The following IFRD1 variants were observed in gnomAD, a reference collection of about 807,000 sequenced individuals.
The protein encoded by IFRD1 is interferon-related developmental regulator 1.
IFRD1 carries 35 observed loss-of-function variants against 52.9 expected under a neutral mutation model. The ratio of observed to expected loss-of-function variants is 0.66; its 90% CI spans 0.51 to 0.88. The LOEUF (loss-of-function observed/expected upper bound fraction) is 0.88, where lower values mean the gene tolerates loss of function less well. Ranked by LOEUF, IFRD1 falls within the 40% of genes least tolerant of loss-of-function variation. The probability of loss-of-function intolerance (pLI) is 0.00; values close to 1 mark genes in which losing one functional copy is unlikely to be tolerated. For missense variants in IFRD1, 517 were observed against 550.8 expected (o/e 0.94, Z 0.61); for synonymous variants, 184 against 188.4 (o/e 0.98, Z 0.19).
At chr7:112,475,250 G>C (rs1309247509) in intron 11 of IFRD1, among the ~76,000 whole-genome samples, 180 bp from the exon 12 acceptor site, 1 of 152,178 alleles carries the variant, frequency 6.6e-6, no homozygotes, top group Non-Finnish European at 1.5e-5. Flanking sequence ...GAGCCACCTT[G>C]CATGGCCCCT....
intron 8 of IFRD1, among the ~76,000 whole-genome samples, chr7:112,466,105 T>C (rs540132789): frequency 6.6e-6 from 1 of 152,160 alleles, no homozygotes; most frequent in African/African-American, 2.4e-5. Context: ...TATATTAAGA[T>C]ATTTATTTCT....
At chr7:112,455,474 CT>C (rs749945569) in intron 1 of IFRD1, among the ~76,000 whole-genome samples, 1 of 150,760 alleles carries the variant, frequency 6.6e-6, no homozygotes, top group Non-Finnish European at 1.5e-5. Flanking sequence ...GACAGGGAGG[CT>C]CTGTCTCAAA....
At chr7:112,423,753 A>G (rs1306997391) in intron 1 of IFRD1, among the ~76,000 whole-genome samples, 1 of 152,240 alleles carries the variant, frequency 6.6e-6, no homozygotes, top group Non-Finnish European at 1.5e-5. Context: ...CTTTGTGGCC[A>G]TGGAGGGTCC....
In IFRD1 at chr7:112,476,115, G is replaced by A. The variant is rs1795894862; in HGVS notation, c.*596G>A. On this transcript the variant is annotated 3_prime_UTR_variant, in exon 12 of 12. Coordinates refer to ENST00000403825, the MANE Select transcript of IFRD1 (RefSeq NM_001550.4). Reference sequence around the variant, plus strand: ...AGGTTGCTAACCTTAACATCTGAGAGCAGTAACACTGATTTTATCTGCTGT... The same window carrying A: ...AGGTTGCTAACCTTAACATCTGAGAACAGTAACACTGATTTTATCTGCTGT... 1 of 152,400 alleles carries A rather than the reference G, an allele frequency of 6.6e-6. No homozygotes were observed. The allele number at this position is 152,400 out of a possible 1,614,324, so 9.4% of individuals were successfully genotyped here.
chr7:112,456,273 C>T (rs1795289493), intron 3 of IFRD1, among the ~76,000 whole-genome samples, 187 bp downstream of exon 3: 2 of 151,968 alleles, frequency 1.3e-5, no homozygotes, highest in South Asian at 2.1e-4. Flanking sequence ...TTTCTTATTC[C>T]GTTGGACTTT....
chr7:112,458,224 A>T (rs1441977802), intron 4 of IFRD1: 1 of 152,476 alleles, frequency 6.6e-6, no homozygotes, highest in Non-Finnish European at 1.5e-5. Context: ...TGTGGTGTAT[A>T]CAGTTCTCAA....
At chr7:112,428,889 C>T (rs1216393221) in intron 1 of IFRD1, among the ~76,000 whole-genome samples, 2 of 152,190 alleles carry the variant, frequency 1.3e-5, no homozygotes, top group Non-Finnish European at 1.5e-5. Context: ...CAAAACAAAA[C>T]GTTGACATCA....
chr7:112,454,743 A>G (rs544903130), intron 1 of IFRD1, among the ~76,000 whole-genome samples: 45 of 151,052 alleles, frequency 3.0e-4, no homozygotes, highest in African/African-American at 9.5e-4. Flanking sequence ...ATTGGAAAAT[A>G]TATTTGTCTT....
At chr7:112,475,397 A>G in intron 11 of IFRD1, 33 bp from the exon 12 acceptor site, 1 of 1,205,752 alleles carries the variant, frequency 8.3e-7, no homozygotes, top group Non-Finnish European at 1.2e-6. Context: ...CTTAAGTCTT[A>G]CTGATGCACG....
chr7:112,462,633 C>T (rs1795470435), intron 8 of IFRD1, among the ~76,000 whole-genome samples: 1 of 152,082 alleles, frequency 6.6e-6, no homozygotes, highest in Non-Finnish European at 1.5e-5. Flanking sequence ...TTTAGGGATC[C>T]TCATGGAGAG....
intron 11 of IFRD1, among the ~76,000 whole-genome samples, chr7:112,473,751 T>C (rs1229172283): frequency 6.6e-6 from 1 of 152,008 alleles, no homozygotes; most frequent in Admixed American, 6.5e-5. Flanking sequence ...TTAATTTATG[T>C]ATTTTTTTTT....
intron 9 of IFRD1, among the ~76,000 whole-genome samples, chr7:112,471,407 T>G (rs990230259): frequency 1.3e-5 from 2 of 152,148 alleles, no homozygotes; most frequent in African/African-American, 4.8e-5. Context: ...GGGGCTGAGG[T>G]AGATGTCTGG....
intron 1 of IFRD1, among the ~76,000 whole-genome samples, chr7:112,438,428 G>A (rs1794768947): frequency 6.6e-6 from 1 of 152,188 alleles, no homozygotes; most frequent in Non-Finnish European, 1.5e-5. Context: ...GAGAGAGGTA[G>A]ATCAAGGTAA....
At position 112,458,906 on chromosome 7, in the gene IFRD1, T is replaced by C; in HGVS notation, c.455T>C (p.Leu152Pro). The C allele has an allele frequency of 6.2e-7, 1 of 1,614,128 alleles. No homozygotes were observed. The highest frequency in any genetic ancestry group is 8.5e-7 in the Non-Finnish European group (1 of 1,179,954). The change falls in exon 5 of 12, where the codon CTT (leucine) becomes CCT (proline). Residue 152 changes from leucine (L) to proline (P), a missense_variant. Transcript: ENST00000403825. Reference protein sequence around the residue: ...QRAAAALASVLCIQLGPGIES... With the variant: ...QRAAAALASVPCIQLGPGIES... ...GCAGCTGCAGCGTTAGCATCTGTTC[T>C]TTGTATTCAGCTGGGCCCTGGAATT... is the stretch of plus-strand genomic sequence containing the variant.
At chr7:112,444,540 T>G (rs1794973728) in intron 1 of IFRD1, among the ~76,000 whole-genome samples, 1 of 152,154 alleles carries the variant, frequency 6.6e-6, no homozygotes, top group African/African-American at 2.4e-5. Flanking sequence ...AAAAAATTAT[T>G]TGATGGAATA....
rs1330868148 is a variant in IFRD1 at position 112,476,365 on chromosome 7, A to C, written c.*846A>C. 1 of 152,226 alleles carries C rather than the reference A, an allele frequency of 6.6e-6. No individual in the cohort carries two copies. The highest frequency in any genetic ancestry group is 1.5e-5 in the Non-Finnish European group (1 of 68,050). 9.4% of individuals were successfully genotyped at this position (152,226 alleles called of 1,614,324 possible). ...GGGATTAAGGTTTCTGACTTTCAAG[A>C]ATATTTCTGCTTGGCAACATGCAGT... On this transcript the variant is annotated 3_prime_UTR_variant, in exon 12 of 12. Transcript: ENST00000403825.
intron 9 of IFRD1, among the ~76,000 whole-genome samples, chr7:112,471,920 A>C (rs1222928739): frequency 6.6e-6 from 1 of 151,950 alleles, no homozygotes; most frequent in Non-Finnish European, 1.5e-5. Context: ...AAAACACCTG[A>C]CTTTTTTTAA....
intron 11 of IFRD1, 87 bp from the exon 12 acceptor site, chr7:112,475,343 C>G: frequency 1.3e-6 from 1 of 758,906 alleles, no homozygotes; most frequent in Non-Finnish European, 2.3e-6. Flanking sequence ...TAGTTCATTT[C>G]TTTTCTTTGT....
At position 112,472,806 on chromosome 7, in the gene IFRD1, C is replaced by A; in HGVS notation, c.1211C>A (p.Pro404Gln). The A allele has an allele frequency of 3.5e-5, 57 of 1,613,504 alleles. No individual in the cohort carries two copies. The highest frequency in any genetic ancestry group is 4.8e-5 in the Non-Finnish European group (57 of 1,179,442). ...CGAAATGTATTTGAACTTGGACCCC[C>A]AGTGATGCTTGATGCTGCAACGCTT... The part of the protein sequence containing the change: ...FLRNVFELGP[P>Q]VMLDAATLKT... The change falls in exon 11 of 12, where the codon CCA (proline) becomes CAA (glutamine). Residue 404 changes from proline to glutamine, a missense_variant. Physicochemically the swap from Pro to Gln is moderately conservative, Grantham distance 76. Transcript: ENST00000403825.
Sources: gnomAD v4.1 joint callset for allele counts (sites outside exome capture counted in the v4.1 genomes callset) on GRCh38, gnomAD v4.1.1 for gene constraint, MANE v1.5 for transcripts, NCBI Gene and HGNC (gene_info 2026-07-23, HGNC 2026-07-21) for gene names.